The following PACS2 variants were observed in gnomAD, a reference collection of about 807,000 sequenced individuals.
PACS2 encodes the protein PACS1-like protein.
Under a neutral mutation model 113.0 loss-of-function variants are expected in PACS2, and 36 were observed. That is an observed-to-expected ratio of 0.32 (90% CI 0.24 to 0.42). The LOEUF (loss-of-function observed/expected upper bound fraction) is 0.42. PACS2 is among the 10% of genes least tolerant of loss of function. The pLI is 1.00. For synonymous variants in PACS2, 589 were observed against 536.1 expected (o/e 1.10, Z -1.36); for missense variants, 1,015 against 1,239.5 (o/e 0.82, Z 2.72).
At chr14:105,339,425 TGAA>T (rs1436064218) in intron 1 of PACS2, among the ~76,000 whole-genome samples, 1 of 151,546 alleles carries the variant, frequency 6.6e-6, no homozygotes, top group Non-Finnish European at 1.5e-5. Flanking sequence ...AAGAATGGCT[TGAA>T]CCCGGGGGCA....
At chr14:105,318,708 G>T (rs1041443785) in intron 1 of PACS2, among the ~76,000 whole-genome samples, 1 of 151,424 alleles carries the variant, frequency 6.6e-6, no homozygotes, top group African/African-American at 2.4e-5. Flanking sequence ...ACCCAGGCTG[G>T]AGTGCAGTGG....
intron 9 of PACS2, 79 bp downstream of exon 9, chr14:105,377,004 A>C (rs1430867989): frequency 1.7e-5 from 24 of 1,436,936 alleles, no homozygotes; most frequent in Non-Finnish European, 1.9e-5. Context: ...TGGCAGACCC[A>C]TGTCCAGCCC....
intron 13 of PACS2, 67 bp from the exon 14 acceptor site, chr14:105,382,410 G>C: frequency 1.1e-6 from 1 of 938,966 alleles, no homozygotes; most frequent in Non-Finnish European, 1.7e-6. Flanking sequence ...GCAGGCACCA[G>C]GGCTGGCGTG....
Position 105,340,944 on chromosome 14 carries a change from C to T in PACS2, c.120-7549C>T, listed in dbSNP as rs754609407. On this transcript the variant is annotated intron_variant, in intron 1 of 24. Coordinates refer to ENST00000447393, the MANE Select transcript of PACS2 (RefSeq NM_001100913.3). This position sits in a 1 kb window ranked among gnomAD's most constrained non-coding sequence, Gnocchi z 4.2. ...AGCACCCTTGCCCCGTCTCTGGCCA[C>T]GTAGCCGTCACCCAGCTAGCATGGG... Among the ~76,000 whole-genome samples the T allele has an allele frequency of 3.9e-5, 6 of 152,242 alleles. No individual in the cohort carries two copies. Among genetic ancestry groups the T allele is most frequent in the African/African-American group, 1.2e-4 (5 of 41,446 alleles).
intron 8 of PACS2, chr14:105,370,135 A>C: frequency 2.2e-6 from 1 of 460,148 alleles, no homozygotes; most frequent in Non-Finnish European, 3.9e-6. Flanking sequence ...TGGAAGTCGG[A>C]AAGTCATTTT....
chr14:105,386,602 G>A (rs587709450), intron 19 of PACS2, among the ~76,000 whole-genome samples: 6 of 152,098 alleles, frequency 3.9e-5, no homozygotes, highest in South Asian at 2.1e-4. Context: ...CCATGGGCTC[G>A]TTCTCTACCC....
chr14:105,334,984 C>T (rs1157851286), intron 1 of PACS2, among the ~76,000 whole-genome samples: 3 of 152,360 alleles, frequency 2.0e-5, no homozygotes, highest in African/African-American at 7.2e-5. Flanking sequence ...CACACCTGTG[C>T]CTGGGACTGT....
chr14:105,328,016 C>T (rs1051755858), intron 1 of PACS2, among the ~76,000 whole-genome samples: 3 of 152,260 alleles, frequency 2.0e-5, no homozygotes, highest in South Asian at 2.1e-4. Flanking sequence ...GGTTTCACTG[C>T]GGATTCTATC....
At chr14:105,387,972 T>C (rs1416439353) in intron 19 of PACS2, among the ~76,000 whole-genome samples, 1 of 152,248 alleles carries the variant, frequency 6.6e-6, no homozygotes, top group African/African-American at 2.4e-5. Flanking sequence ...GTCCAGGCAC[T>C]CCTGCCTGAC....
At chr14:105,308,034 A>T (rs1380934957) in intron 1 of PACS2, among the ~76,000 whole-genome samples, 1 of 151,486 alleles carries the variant, frequency 6.6e-6, no homozygotes, top group Non-Finnish European at 1.5e-5. Context: ...AAATTTAAAA[A>T]TTAGCTGTGC....
chr14:105,334,190 T>C (rs1049739214), intron 1 of PACS2, among the ~76,000 whole-genome samples: 5 of 152,212 alleles, frequency 3.3e-5, no homozygotes, highest in African/African-American at 1.2e-4. Context: ...CTCATCTGTC[T>C]GCCTTCCCCT....
intron 1 of PACS2, among the ~76,000 whole-genome samples, chr14:105,304,797 G>C (rs1433151453): frequency 1.3e-5 from 2 of 152,260 alleles, no homozygotes; most frequent in African/African-American, 4.8e-5. Flanking sequence ...AGCAGGGAGA[G>C]AGAGAGCTTC....
At position 105,365,900 on chromosome 14, in the gene PACS2, G is replaced by A. The variant is rs1420414740; in HGVS notation, c.424-1313G>A. Among the ~76,000 whole-genome samples, 1 of 152,262 alleles carries A rather than the reference G, an allele frequency of 6.6e-6. No homozygotes were observed. Among genetic ancestry groups the A allele is most frequent in the Non-Finnish European group, 1.5e-5 (1 of 68,042 alleles). On this transcript the variant is annotated intron_variant, in intron 4 of 24. Coordinates refer to ENST00000447393, the MANE Select transcript of PACS2 (RefSeq NM_001100913.3). This position sits in a 1 kb window ranked among gnomAD's most constrained non-coding sequence, Gnocchi z 5.1. The stretch of plus-strand genomic sequence containing the variant: ...GTGTGCCCCGGCGAGTTGTGGGCAC[G>A]AGGGCGTCAGCAGTGGGTGCGAGTG...
In PACS2 at chr14:105,394,825, G is replaced by A. The variant is rs2081489351; in HGVS notation, c.*153G>A. 1.6e-6 allele frequency: 1 copy of A among 636,066 alleles called. No homozygotes were observed. Among genetic ancestry groups the A allele is most frequent in the Non-Finnish European group, 2.8e-6 (1 of 352,750 alleles). 39.4% of individuals were successfully genotyped at this position (636,066 alleles called of 1,614,324 possible). On this transcript the variant is annotated 3_prime_UTR_variant, in exon 25 of 25. Transcript: ENST00000447393. ...TGTGCTCACAACGTGGAAACTAACGGGGGAGCTCCTGCCAGGAGCCGAATA... is the reference window on the plus strand; with the variant it reads ...TGTGCTCACAACGTGGAAACTAACGAGGGAGCTCCTGCCAGGAGCCGAATA...
At chr14:105,364,173 G>T (rs1009584885) in intron 4 of PACS2, among the ~76,000 whole-genome samples, 1 of 152,234 alleles carries the variant, frequency 6.6e-6, no homozygotes, top group Non-Finnish European at 1.5e-5. Flanking sequence ...GAAAAGTGGC[G>T]CTGATAGACT....
intron 4 of PACS2, among the ~76,000 whole-genome samples, chr14:105,360,529 T>A: frequency 7.3e-6 from 1 of 137,662 alleles, no homozygotes. Flanking sequence ...GGTGACAGAG[T>A]AAGACTTCCT....
chr14:105,326,149 G>A (rs1455333329), intron 1 of PACS2, among the ~76,000 whole-genome samples: 5 of 152,242 alleles, frequency 3.3e-5, no homozygotes, highest in African/African-American at 1.2e-4. Context: ...TGCTGGGCTC[G>A]TGCAGGTGTC....
rs1555415301 is a variant in PACS2, at chr14:105,392,795, C to T, written c.2432C>T (p.Ala811Val). The change falls in exon 23 of 25, where the codon GCC becomes GTC. Residue 811 changes from alanine to valine, a missense_variant. Physicochemically the swap from Ala to Val is moderately conservative, Grantham distance 64 (BLOSUM62 0). Transcript: ENST00000447393. ...SRLPSSGEAA[A>V]TPTMSMTVVT... Reference sequence around the variant, plus strand: ...CTGCCCAGCAGCGGCGAGGCTGCAGCCACGCCCACCATGTCCATGACCGTG... The same window carrying T: ...CTGCCCAGCAGCGGCGAGGCTGCAGTCACGCCCACCATGTCCATGACCGTG... 10 of 1,609,516 alleles carry T rather than the reference C, an allele frequency of 6.2e-6. No individual in the cohort carries two copies. Among genetic ancestry groups the T allele is most frequent in the Non-Finnish European group, 7.6e-6 (9 of 1,179,912 alleles).
At chr14:105,393,987 G>A (rs990157918) in intron 24 of PACS2, among the ~76,000 whole-genome samples, 53 of 148,186 alleles carry the variant, frequency 3.6e-4, no homozygotes, top group African/African-American at 1.3e-3. Flanking sequence ...GCAGTGAGCC[G>A]AGATTGCGCC....
Sources: allele counts gnomAD v4.1 joint callset (sites outside exome capture counted in the v4.1 genomes callset), GRCh38; gene constraint gnomAD v4.1.1; non-coding constraint Gnocchi (gnomAD v3.1); transcripts MANE v1.5; gene names NCBI Gene and HGNC (gene_info 2026-07-23, HGNC 2026-07-21).